DOCK9: variants seen among roughly 807,000 people sequenced by gnomAD.
DOCK9 encodes dedicator of cytokinesis protein 9.
Under a neutral mutation model 263.3 loss-of-function variants are expected in DOCK9, and 89 were observed. That is an observed-to-expected ratio of 0.34 (90% confidence interval 0.28 to 0.40). The LOEUF (loss-of-function observed/expected upper bound fraction) is 0.40. Ranked by LOEUF, DOCK9 falls within the 10% of genes least tolerant of loss-of-function variation. The pLI, the probability that DOCK9 is intolerant of heterozygous loss-of-function variation, is 1.00. For synonymous variants in DOCK9, 976 were observed against 973.1 expected (o/e 1.00, Z -0.06); for missense variants, 2,140 against 2,603.4 (o/e 0.82, Z 3.87).
chr13:98,852,507 A>G lies in DOCK9; in HGVS notation c.3946+901T>C, dbSNP rs2093601756. On this transcript the variant is annotated intron_variant, in intron 35 of 52. Transcript: ENST00000682017. ...TGATCTAAAAGAAATACTATTTTCA[A>G]GCAGAAATACCTTCCACTGGATGTT... 3.9e-5 allele frequency among the ~76,000 whole-genome samples: 6 copies of G among 152,232 alleles called. No individual in the cohort carries two copies. In the South Asian group the frequency reaches 1.2e-3, roughly 32 times the overall value.
intron 2 of DOCK9, among the ~76,000 whole-genome samples, chr13:98,942,137 A>G (rs1296693027): frequency 2.6e-5 from 4 of 151,208 alleles, no homozygotes; most frequent in Non-Finnish European, 5.9e-5. Context: ...TGTGCATTGC[A>G]CTCAACCTTG....
intron 2 of DOCK9, among the ~76,000 whole-genome samples, chr13:98,934,360 T>A (rs1397560455): frequency 6.6e-6 from 1 of 152,206 alleles, no homozygotes; most frequent in African/African-American, 2.4e-5. Flanking sequence ...ATCTCCCAGC[T>A]GGTCTCGGCC....
intron 2 of DOCK9, among the ~76,000 whole-genome samples, chr13:98,938,393 G>A (rs960247125): frequency 6.6e-6 from 1 of 152,118 alleles, no homozygotes. Flanking sequence ...AGGATCTCTA[G>A]GTTTCCTTTG....
intron 1 of DOCK9, among the ~76,000 whole-genome samples, chr13:99,057,376 G>A (rs2040976390): frequency 1.3e-5 from 2 of 152,128 alleles, no homozygotes; most frequent in African/African-American, 4.8e-5. Flanking sequence ...ACTGAATAGG[G>A]GGAAAATGGT....
At chr13:98,831,128 A>G (rs2092745440) in intron 41 of DOCK9, among the ~76,000 whole-genome samples, 1 of 152,242 alleles carries the variant, frequency 6.6e-6, no homozygotes, top group African/African-American at 2.4e-5. Flanking sequence ...TATTGATTCA[A>G]TATTTAAATG....
At chr13:98,824,559 C>T (rs2092446196) in intron 44 of DOCK9, 55 bp from the exon 45 acceptor site, 14 of 1,520,454 alleles carry the variant, frequency 9.2e-6, no homozygotes, top group East Asian at 4.5e-5. Flanking sequence ...CGTGGGTGAA[C>T]CCTGAGGGTT....
chr13:99,008,200 CTCTCTCTCTCTCTATATA>C (rs2141900181), intron 1 of DOCK9, among the ~76,000 whole-genome samples: 1 of 76,656 alleles, frequency 1.3e-5, no homozygotes, highest in South Asian at 6.9e-4. Flanking sequence ...CTCTCTCTCT[CTCTCTCTCTCTCTATATA>C]TATATATATA....
At chr13:98,863,661 C>T (rs1304335946) in intron 30 of DOCK9, 113 bp from the exon 31 acceptor site, 1 of 1,125,516 alleles carries the variant, frequency 8.9e-7, no homozygotes, top group African/African-American at 1.6e-5. Context: ...TTCAGCCCAC[C>T]CTGGGTGTCA....
chr13:98,948,160 C>T (rs1301515122), intron 2 of DOCK9, among the ~76,000 whole-genome samples: 1 of 152,012 alleles, frequency 6.6e-6, no homozygotes, highest in Non-Finnish European at 1.5e-5. Context: ...CATTATCAGT[C>T]TCATGTAAGT....
chr13:98,879,805 G>A, intron 27 of DOCK9, 93 bp downstream of exon 27: 1 of 1,036,940 alleles, frequency 9.6e-7, no homozygotes, highest in Non-Finnish European at 1.4e-6. Flanking sequence ...CCTGTAACTG[G>A]CACAGAGAAA....
At chr13:98,823,644 A>G (rs573363536) in intron 45 of DOCK9, among the ~76,000 whole-genome samples, 1 of 152,342 alleles carries the variant, frequency 6.6e-6, no homozygotes, top group South Asian at 2.1e-4. Context: ...AGGCAGGTAC[A>G]CACAAAGAAC....
intron 1 of DOCK9, among the ~76,000 whole-genome samples, chr13:99,048,176 G>A (rs2040524955): frequency 1.3e-5 from 2 of 152,068 alleles, no homozygotes; most frequent in Admixed American, 1.3e-4. Context: ...GCTGCTTCTT[G>A]GTTTACAGTT....
chr13:98,937,828 G>C (rs1047465432), intron 2 of DOCK9, among the ~76,000 whole-genome samples: 3 of 151,788 alleles, frequency 2.0e-5, no homozygotes, highest in African/African-American at 7.3e-5. Flanking sequence ...ATTTCAAATA[G>C]ATCCTTTTTA....
intron 1 of DOCK9, among the ~76,000 whole-genome samples, chr13:99,011,326 T>C (rs1443319542): frequency 6.6e-6 from 1 of 152,084 alleles, no homozygotes; most frequent in Non-Finnish European, 1.5e-5. Flanking sequence ...GCAGGTAATA[T>C]AAAAAAATAA....
chr13:99,073,543 A>T (rs796987339), intron 1 of DOCK9, among the ~76,000 whole-genome samples: 1 of 152,134 alleles, frequency 6.6e-6, no homozygotes, highest in Admixed American at 6.5e-5. Context: ...CTCCTTGACC[A>T]GGTCTTCTTA....
At chr13:99,025,673 C>A (rs991774388) in intron 1 of DOCK9, among the ~76,000 whole-genome samples, 1 of 152,178 alleles carries the variant, frequency 6.6e-6, no homozygotes, top group South Asian at 2.1e-4. Context: ...CCCAGGTTAC[C>A]GTATGATCCA....
rs1386273014 is a variant in DOCK9 at position 98,888,665 on chromosome 13, T to C, written c.1756A>G (p.Ile586Val). ...TCTGAGGAAACATTATCAATTGTAA[T>C]GTCTAGATTGCCTAAAATCACTGGG... ...KLPVILGNLDITIDNVSSDFP... is the reference protein window; with the variant it reads ...KLPVILGNLDVTIDNVSSDFP... Residue 586 changes from isoleucine to valine, a missense_variant, in exon 16 of 53, where the codon ATT becomes GTT. Coordinates refer to ENST00000682017, the MANE Select transcript of DOCK9 (RefSeq NM_001366683.2). 1.9e-6 allele frequency: 3 copies of C among 1,613,928 alleles called. No homozygotes were observed. The highest frequency in any genetic ancestry group is 1.6e-4 in the Middle Eastern group (1 of 6,062).
chr13:99,041,038 T>C (rs568702331), intron 1 of DOCK9, among the ~76,000 whole-genome samples: 53 of 152,294 alleles, frequency 3.5e-4, no homozygotes, highest in South Asian at 1.0e-3. Context: ...AGTGTGGAGC[T>C]ACTGTGTATG....
At chr13:98,942,641 A>G (rs1313334656) in intron 2 of DOCK9, among the ~76,000 whole-genome samples, 2 of 152,232 alleles carry the variant, frequency 1.3e-5, no homozygotes, top group Non-Finnish European at 2.9e-5. Flanking sequence ...TGTCCATCAC[A>G]GTTACGTGTT....
Sources: gnomAD v4.1 joint callset for allele counts (sites outside exome capture counted in the v4.1 genomes callset) on GRCh38, gnomAD v4.1.1 for gene constraint, MANE v1.5 for transcripts, NCBI Gene and HGNC (gene_info 2026-07-23, HGNC 2026-07-21) for gene names.